The following FHIT variants were observed in gnomAD, a reference collection of about 807,000 sequenced individuals.
FHIT encodes the protein fragile histidine triad diadenosine triphosphatase, also known as bis(5'-adenosyl)-triphosphatase.
FHIT carries 19 observed loss-of-function variants against 17.9 expected under a neutral mutation model. The observed-to-expected ratio is 1.06, with a 90% CI of 0.74 to 1.56. The LOEUF is 1.56. Ranked by LOEUF, FHIT falls within the 40% of genes most tolerant of loss-of-function variation. FHIT has a pLI of 0.00. For synonymous variants in FHIT, 81 were observed against 69.7 expected, an observed-to-expected ratio of 1.16 and a Z score of -0.81; for missense variants, 248 against 189.2, an observed-to-expected ratio of 1.31 and a Z score of -1.82.
rs560902850 is a variant in FHIT, at chr3:60,927,189, C to T, written c.-110-105178G>A. On this transcript the variant is annotated intron_variant, in intron 3 of 9. Coordinates refer to ENST00000492590, the MANE Select transcript of FHIT (RefSeq NM_002012.4). ...TGGTTTTTGTATTTTTTGGTGGAGA[C>T]GGGGTTTCGCCGTGTTGGCCGGGCT... is the stretch of plus-strand genomic sequence containing the variant. 3.1e-3 allele frequency among the ~76,000 whole-genome samples: 476 copies of T among 152,236 alleles called. 3 individuals are homozygous for T. The highest frequency in any genetic ancestry group is 0.011 in the African/African-American group (455 of 41,552).
intron 3 of FHIT, among the ~76,000 whole-genome samples, chr3:60,983,173 C>T (rs958239911): frequency 4.0e-5 from 6 of 151,746 alleles, no homozygotes; most frequent in African/African-American, 1.5e-4. Flanking sequence ...GTAATGCACA[C>T]ACTTACTAAG....
At chr3:60,249,689 G>GACACACACACATACACAC (rs1705588744) in intron 5 of FHIT, among the ~76,000 whole-genome samples, 1 of 137,318 alleles carries the variant, frequency 7.3e-6, no homozygotes, top group African/African-American at 2.9e-5. Context: ...ATACAGCCAA[G>GACACACACACATACACAC]ACACACACAC....
At chr3:61,128,486 C>G (rs1223415608) in intron 2 of FHIT, among the ~76,000 whole-genome samples, 1 of 152,048 alleles carries the variant, frequency 6.6e-6, no homozygotes, top group Non-Finnish European at 1.5e-5. Context: ...ACAATATAGG[C>G]GACAACATTT....
chr3:60,239,461 G>T (rs151177544), intron 5 of FHIT, among the ~76,000 whole-genome samples: 61 of 152,172 alleles, frequency 4.0e-4, no homozygotes, highest in African/African-American at 1.1e-3. Context: ...GCTACTCAGG[G>T]GGCTAAGGCA....
intron 4 of FHIT, among the ~76,000 whole-genome samples, chr3:60,796,186 A>G (rs1254598031): frequency 6.6e-6 from 1 of 152,214 alleles, no homozygotes; most frequent in Non-Finnish European, 1.5e-5. Flanking sequence ...ACACGTGGGA[A>G]TTCGGGGAGA....
chr3:60,872,569 G>C (rs575745779), intron 3 of FHIT, among the ~76,000 whole-genome samples: 4 of 152,036 alleles, frequency 2.6e-5, no homozygotes, highest in Admixed American at 2.0e-4. Context: ...TTGCTTCCTG[G>C]CTTTTGAACA....
intron 5 of FHIT, among the ~76,000 whole-genome samples, chr3:60,026,710 C>T (rs535950813): frequency 2.3e-4 from 35 of 152,148 alleles, no homozygotes; most frequent in African/African-American, 8.2e-4. Flanking sequence ...AATATTTAAA[C>T]GCATTTAGAA....
chr3:60,000,399 A>G (rs1389550498), intron 7 of FHIT, among the ~76,000 whole-genome samples: 2 of 152,322 alleles, frequency 1.3e-5, no homozygotes, highest in East Asian at 3.9e-4. Context: ...CATATATTCT[A>G]TGGCTTCTTT....
intron 1 of FHIT, among the ~76,000 whole-genome samples, chr3:61,222,480 A>G (rs1025026255): frequency 6.6e-6 from 1 of 152,334 alleles, no homozygotes; most frequent in African/African-American, 2.4e-5. Flanking sequence ...TCTGGGCACC[A>G]GCGGCAAGAT....
chr3:60,207,332 G>T (rs984794166), intron 5 of FHIT, among the ~76,000 whole-genome samples: 1 of 152,036 alleles, frequency 6.6e-6, no homozygotes, highest in Non-Finnish European at 1.5e-5. Flanking sequence ...CAACAATCGT[G>T]TCCAGTCATT....
chr3:59,969,307 C>G (rs762625505), intron 7 of FHIT, among the ~76,000 whole-genome samples: 27 of 152,024 alleles, frequency 1.8e-4, no homozygotes, highest in Non-Finnish European at 4.0e-4. Flanking sequence ...GTTCAGTTTC[C>G]TTCATTTGTA....
chr3:60,233,589 T>A (rs1449773598), intron 5 of FHIT, among the ~76,000 whole-genome samples: 1 of 152,082 alleles, frequency 6.6e-6, no homozygotes, highest in Non-Finnish European at 1.5e-5. Flanking sequence ...TATTTCTTCA[T>A]AATCCTTATC....
intron 5 of FHIT, among the ~76,000 whole-genome samples, chr3:60,051,345 T>G (rs1198697649): frequency 2.8e-5 from 4 of 143,744 alleles, no homozygotes; most frequent in Non-Finnish European, 6.1e-5. Context: ...TTTTTTTTTG[T>G]AACAGCAGCT....
chr3:60,363,762 G>T (rs74633733), intron 5 of FHIT, among the ~76,000 whole-genome samples: 2,446 of 152,182 alleles, frequency 0.016, 61 homozygotes, highest in African/African-American at 0.055. Flanking sequence ...TGGCCCCCCT[G>T]GCCCCCCTGG....
intron 5 of FHIT, among the ~76,000 whole-genome samples, chr3:60,407,450 C>T (rs1286142950): frequency 6.6e-6 from 1 of 152,108 alleles, no homozygotes; most frequent in Non-Finnish European, 1.5e-5. Flanking sequence ...CATGTAACTT[C>T]TGAGTTAAGA....
intron 5 of FHIT, among the ~76,000 whole-genome samples, chr3:60,458,572 A>G (rs981407721): frequency 9.9e-5 from 14 of 141,980 alleles, no homozygotes; most frequent in African/African-American, 3.8e-4. Flanking sequence ...CATGTACCCT[A>G]AAACTTAAAG....
chr3:60,411,164 C>T (rs1010149538), intron 5 of FHIT, among the ~76,000 whole-genome samples: 2 of 152,164 alleles, frequency 1.3e-5, no homozygotes, highest in Non-Finnish European at 2.9e-5. Flanking sequence ...CCCAAAATTA[C>T]ATGATACTGA....
At chr3:61,197,071 C>CGTT (rs953613716) in intron 2 of FHIT, among the ~76,000 whole-genome samples, 3 of 152,062 alleles carry the variant, frequency 2.0e-5, no homozygotes, top group African/African-American at 4.8e-5. Context: ...TTGCTGTTGT[C>CGTT]GTTGTTGTTG....
At chr3:61,245,849 G>A (rs1445993897) in intron 1 of FHIT, among the ~76,000 whole-genome samples, 3 of 152,152 alleles carry the variant, frequency 2.0e-5, no homozygotes, top group Admixed American at 6.5e-5. Flanking sequence ...TTGAACCAGA[G>A]CAACTCCATC....
Sources: allele counts gnomAD v4.1 joint callset (sites outside exome capture counted in the v4.1 genomes callset), GRCh38; gene constraint gnomAD v4.1.1; transcripts MANE v1.5; gene names NCBI Gene and HGNC (gene_info 2026-07-23, HGNC 2026-07-21).